Variants in LMX1A observed in about 807,000 individuals in gnomAD.
The protein encoded by LMX1A is LIM homeobox transcription factor 1 alpha.
In LMX1A, 15 loss-of-function variants were observed where a neutral mutation model predicts 49.1. That is an observed-to-expected ratio of 0.31 (90% CI 0.20 to 0.47). The LOEUF is 0.47. Among genes scored for constraint, LMX1A ranks in the 20% least tolerant of loss-of-function variants. LMX1A has a pLI of 1.00. For synonymous variants in LMX1A, 167 were observed against 185.7 expected, an observed-to-expected ratio of 0.90 and a Z score of 0.82; for missense variants, 372 against 475.8, an observed-to-expected ratio of 0.78 and a Z score of 2.03.
At chr1:165,204,833 A>G (rs2102592196) in intron 8 of LMX1A, among the ~76,000 whole-genome samples, 1 of 152,346 alleles carries the variant, frequency 6.6e-6, no homozygotes, top group Non-Finnish European at 1.5e-5. Context: ...GGAGTAAAGA[A>G]TGGTACAGAT....
rs78468207 is a variant in LMX1A at position 165,340,284 on chromosome 1, T to A, written c.263+12792A>T. ...CACCTGGCTAATGTTTTTGTTTTTATTTTTTTAGAGATGGGGTCTCACTGC... is the reference window on the plus strand; with the variant it reads ...CACCTGGCTAATGTTTTTGTTTTTAATTTTTTAGAGATGGGGTCTCACTGC... On this transcript the variant is annotated intron_variant, in intron 3 of 8. Coordinates refer to ENST00000342310, the MANE Select transcript of LMX1A (RefSeq NM_177398.4). 7.2e-4 allele frequency among the ~76,000 whole-genome samples: 109 copies of A among 152,196 alleles called. No individual in the cohort carries two copies. The East Asian group carries it at 0.018, about 26-fold the overall frequency.
intron 3 of LMX1A, among the ~76,000 whole-genome samples, chr1:165,250,808 A>C (rs574881633): frequency 6.6e-6 from 1 of 152,312 alleles, no homozygotes; most frequent in East Asian, 1.9e-4. Flanking sequence ...GGGTGCATTT[A>C]GTATGTATTC....
intron 3 of LMX1A, among the ~76,000 whole-genome samples, chr1:165,346,634 C>T (rs1656253234): frequency 1.3e-5 from 2 of 152,192 alleles, no homozygotes; most frequent in South Asian, 2.1e-4. Context: ...GGTAGGAAAC[C>T]GATGAAGGGC....
chr1:165,295,446 T>A (rs1654589470), intron 3 of LMX1A, among the ~76,000 whole-genome samples: 2 of 147,690 alleles, frequency 1.4e-5, no homozygotes, highest in African/African-American at 4.9e-5. Context: ...ATTTTTATAA[T>A]ATATAAAATA....
At chr1:165,204,653 C>T (rs554860607) in intron 8 of LMX1A, among the ~76,000 whole-genome samples, 12 of 152,332 alleles carry the variant, frequency 7.9e-5, no homozygotes, top group Non-Finnish European at 1.2e-4. Flanking sequence ...TCTGCCTCTG[C>T]TTCAAGTAAA....
intron 3 of LMX1A, among the ~76,000 whole-genome samples, chr1:165,254,868 T>C (rs1337336850): frequency 1.3e-5 from 2 of 152,208 alleles, no homozygotes; most frequent in Admixed American, 6.5e-5. Flanking sequence ...ACCACCCAAC[T>C]TTCCTTGATG....
intron 3 of LMX1A, among the ~76,000 whole-genome samples, chr1:165,309,936 A>G (rs1232372285): frequency 6.6e-6 from 1 of 152,232 alleles, no homozygotes; most frequent in African/African-American, 2.4e-5. Flanking sequence ...ATGTCTCATT[A>G]GATATTCCCA....
chr1:165,288,985 A>G (rs748310537), intron 3 of LMX1A, among the ~76,000 whole-genome samples: 1 of 152,220 alleles, frequency 6.6e-6, no homozygotes, highest in Admixed American at 6.5e-5. Context: ...GAATCATCAG[A>G]GCTGGCAGCT....
chr1:165,208,330 A>C (rs1046656887), intron 6 of LMX1A, among the ~76,000 whole-genome samples, 198 bp from the exon 7 acceptor site: 1 of 152,238 alleles, frequency 6.6e-6, no homozygotes, highest in Non-Finnish European at 1.5e-5. Flanking sequence ...ACTCTGCAGC[A>C]GTATAAAGAC....
chr1:165,223,808 T>TC (rs1480391365), intron 4 of LMX1A, among the ~76,000 whole-genome samples: 1 of 128,650 alleles, frequency 7.8e-6, no homozygotes, highest in African/African-American at 3.0e-5. Context: ...AGTACAAACT[T>TC]TAAAAAAAAA....
At position 165,207,933 on chromosome 1, in the gene LMX1A, T is replaced by C. The variant is rs17403138; in HGVS notation, c.817+130A>G. The C allele has an allele frequency of 0.24, 169,121 of 704,076 alleles. 23,945 individuals carry two copies. The highest frequency in any genetic ancestry group is 0.3 in the Middle Eastern group (744 of 2,454). 43.6% of individuals were successfully genotyped at this position (704,076 alleles called of 1,614,324 possible). A position where few individuals can be genotyped will look rare whatever the true frequency, so the allele number is the denominator to read the frequency against. On this transcript the variant is annotated intron_variant, in intron 7 of 8. Transcript: ENST00000342310. ...CTCAGTCTTCCCTTGAAGGCCTTAT[T>C]TCTCCAGTGGGTGTGGTCTAGGCTT... is the stretch of plus-strand genomic sequence containing the variant.
At chr1:165,283,224 TAC>T (rs531639085) in intron 3 of LMX1A, among the ~76,000 whole-genome samples, 214 of 152,358 alleles carry the variant, frequency 1.4e-3, no homozygotes, top group African/African-American at 5.0e-3. Context: ...CAGTGTTCAG[TAC>T]AGTCACATAC....
intron 3 of LMX1A, among the ~76,000 whole-genome samples, chr1:165,307,897 T>A (rs1439824424): frequency 6.6e-6 from 1 of 152,198 alleles, no homozygotes; most frequent in East Asian, 1.9e-4. Flanking sequence ...AAATTTTAAC[T>A]TTATTTTTAA....
intron 4 of LMX1A, 77 bp downstream of exon 4, chr1:165,249,331 G>A: frequency 2.0e-6 from 2 of 1,016,472 alleles, no homozygotes; most frequent in South Asian, 1.4e-5. Flanking sequence ...GGCCATCTAG[G>A]GAAGAAACAA....
intron 3 of LMX1A, among the ~76,000 whole-genome samples, chr1:165,322,864 C>T (rs749067930): frequency 6.6e-6 from 1 of 152,162 alleles, no homozygotes; most frequent in Admixed American, 6.5e-5. Context: ...AACACCTAGA[C>T]TTTGAAAGCA....
At chr1:165,225,230 A>T (rs1651991631) in intron 4 of LMX1A, among the ~76,000 whole-genome samples, 1 of 152,218 alleles carries the variant, frequency 6.6e-6, no homozygotes, top group Non-Finnish European at 1.5e-5. Flanking sequence ...CCCAGCTGAG[A>T]AATCTTGGAC....
chr1:165,270,238 G>A (rs1330754944), intron 3 of LMX1A, among the ~76,000 whole-genome samples: 2 of 152,052 alleles, frequency 1.3e-5, no homozygotes, highest in Non-Finnish European at 2.9e-5. Flanking sequence ...ACCTGGCATG[G>A]CTCTGTCCTC....
At chr1:165,325,988 T>C (rs1299748573) in intron 3 of LMX1A, among the ~76,000 whole-genome samples, 1 of 149,168 alleles carries the variant, frequency 6.7e-6, no homozygotes, top group Non-Finnish European at 1.5e-5. Flanking sequence ...AGTAATATTG[T>C]GTGAGTAATC....
chr1:165,292,031 C>T (rs987736011), intron 3 of LMX1A, among the ~76,000 whole-genome samples: 2 of 136,856 alleles, frequency 1.5e-5, no homozygotes, highest in African/African-American at 5.4e-5. Context: ...CACTGCACTC[C>T]AGCCTGGGCG....
Sources: gnomAD v4.1 joint callset for allele counts (sites outside exome capture counted in the v4.1 genomes callset) on GRCh38, gnomAD v4.1.1 for gene constraint, MANE v1.5 for transcripts, NCBI Gene and HGNC (gene_info 2026-07-23, HGNC 2026-07-21) for gene names.